Variants in MECOM observed in about 807,000 individuals in gnomAD.
MECOM encodes MDS1 and EVI1 complex locus, also known as histone-lysine N-methyltransferase MECOM.
A neutral mutation model predicts 116.3 loss-of-function variants in MECOM; 13 were observed. The observed-to-expected ratio is 0.11, with a 90% CI of 0.07 to 0.18. The LOEUF is 0.18. MECOM is among the 10% of genes least tolerant of loss of function. The probability of loss-of-function intolerance (pLI) is 1.00; values close to 1 mark genes in which losing one functional copy is unlikely to be tolerated. For synonymous variants in MECOM, 528 were observed against 535.2 expected (o/e 0.99, Z 0.19); for missense variants, 1,299 against 1,509.0 (o/e 0.86, Z 2.31).
At chr3:169,655,147 G>C (rs1243115673) in intron 1 of MECOM, among the ~76,000 whole-genome samples, 3 of 152,126 alleles carry the variant, frequency 2.0e-5, no homozygotes, top group Non-Finnish European at 2.9e-5. Flanking sequence ...AATGGTAACA[G>C]TGAGCAGGAG....
intron 2 of MECOM, among the ~76,000 whole-genome samples, chr3:169,295,725 T>G (rs966081322): frequency 6.6e-6 from 1 of 152,202 alleles, no homozygotes; most frequent in African/African-American, 2.4e-5. Flanking sequence ...ACATAAATAC[T>G]CAGTTTCTGG....
chr3:169,309,697 TG>T (rs769479460), intron 2 of MECOM, among the ~76,000 whole-genome samples: 4 of 152,192 alleles, frequency 2.6e-5, no homozygotes, highest in Non-Finnish European at 5.9e-5. Context: ...TATCACAGTT[TG>T]GGGTAATTCT....
intron 2 of MECOM, among the ~76,000 whole-genome samples, chr3:169,170,384 C>T (rs1166897381): frequency 3.2e-5 from 4 of 126,160 alleles, no homozygotes; most frequent in Non-Finnish European, 4.7e-5. Flanking sequence ...TCCAGCCCAG[C>T]GACAGAGCAA....
chr3:169,480,593 T>G (rs1031849508), intron 1 of MECOM, among the ~76,000 whole-genome samples: 3 of 152,190 alleles, frequency 2.0e-5, no homozygotes, highest in African/African-American at 7.2e-5. Context: ...CATTTTTCCT[T>G]CCACTAGTCA....
intron 1 of MECOM, among the ~76,000 whole-genome samples, chr3:169,471,114 C>G (rs565471095): frequency 1.3e-5 from 2 of 152,148 alleles, no homozygotes; most frequent in South Asian, 4.2e-4. Flanking sequence ...ACCTCAGCCT[C>G]CAGGGTAGCT....
At chr3:169,572,064 T>C (rs1763971812) in intron 1 of MECOM, among the ~76,000 whole-genome samples, 1 of 152,188 alleles carries the variant, frequency 6.6e-6, no homozygotes, top group Admixed American at 6.5e-5. Flanking sequence ...ACCTACAGAA[T>C]GTGAGAACAT....
intron 1 of MECOM, among the ~76,000 whole-genome samples, chr3:169,627,291 G>A (rs1771504405): frequency 6.6e-6 from 1 of 152,218 alleles, no homozygotes. Flanking sequence ...GAGCCTCAGA[G>A]AAATGAGGCA....
At chr3:169,374,346 G>A (rs1292069750) in intron 2 of MECOM, among the ~76,000 whole-genome samples, 1 of 151,858 alleles carries the variant, frequency 6.6e-6, no homozygotes, top group Admixed American at 6.6e-5. Flanking sequence ...AAGCCACCCA[G>A]TTTATGGTAT....
intron 2 of MECOM, among the ~76,000 whole-genome samples, chr3:169,273,711 G>A (rs943087282): frequency 2.0e-5 from 3 of 152,028 alleles, no homozygotes; most frequent in Admixed American, 6.6e-5. Flanking sequence ...CCACTTCTGG[G>A]TAGAATCGTT....
At chr3:169,140,993 A>G (rs1264848351) in intron 3 of MECOM, among the ~76,000 whole-genome samples, 1 of 152,030 alleles carries the variant, frequency 6.6e-6, no homozygotes, top group African/African-American at 2.4e-5. Context: ...AAGCACATTT[A>G]TTTTCTTTAA....
chr3:169,273,548 A>T (rs1759207021), intron 2 of MECOM, among the ~76,000 whole-genome samples: 1 of 152,304 alleles, frequency 6.6e-6, no homozygotes, highest in East Asian at 1.9e-4. Flanking sequence ...TTTTCTGCGC[A>T]TCCTGGTTGG....
chr3:169,485,954 TACATATATACTATATATAC>T (rs1752206902), intron 1 of MECOM, among the ~76,000 whole-genome samples: 4 of 97,474 alleles, frequency 4.1e-5, no homozygotes, highest in African/African-American at 1.8e-4. Flanking sequence ...TGTATATATG[TACATATATACTATATATAC>T]ATATATATAT....
intron 1 of MECOM, among the ~76,000 whole-genome samples, chr3:169,511,395 T>C (rs1291761323): frequency 6.6e-6 from 1 of 152,150 alleles, no homozygotes; most frequent in East Asian, 1.9e-4. Context: ...GGTGGAAAGT[T>C]CAGGCTAAAA....
chr3:169,545,066 A>T (rs1760557500), intron 1 of MECOM, among the ~76,000 whole-genome samples: 1 of 152,244 alleles, frequency 6.6e-6, no homozygotes, highest in Admixed American at 6.5e-5. Flanking sequence ...ATTAAAAAAA[A>T]GAAAATGGTA....
At chr3:169,569,235 A>G (rs1487627550) in intron 1 of MECOM, among the ~76,000 whole-genome samples, 3 of 152,324 alleles carry the variant, frequency 2.0e-5, no homozygotes, top group African/African-American at 7.2e-5. Context: ...CAAAGATCAA[A>G]GAAGACAAAG....
intron 1 of MECOM, among the ~76,000 whole-genome samples, chr3:169,435,841 T>C (rs573706334): frequency 1.3e-5 from 2 of 152,114 alleles, no homozygotes; most frequent in East Asian, 1.9e-4. Flanking sequence ...AAGCAGACAA[T>C]AGCAGTAAAG....
intron 2 of MECOM, among the ~76,000 whole-genome samples, chr3:169,189,093 A>G (rs1356233170): frequency 6.6e-6 from 1 of 152,104 alleles, no homozygotes. Flanking sequence ...TGATCCTAGA[A>G]CAACATATAT....
rs754931786 is a variant in MECOM at position 169,102,040 on chromosome 3, A to G, written c.2771+20T>C. On this transcript the variant is annotated intron_variant, in intron 11 of 16. Coordinates refer to ENST00000651503, the MANE Select transcript of MECOM (RefSeq NM_004991.4). ...AGGGGAGATTTCTGGAAAGTCAGCC[A>G]TAATTAACTGTGCAGTTACCTGCAG... The G allele has an allele frequency of 2.8e-5, 45 of 1,590,654 alleles. No individual in the cohort carries two copies. Among genetic ancestry groups the G allele is most frequent in the Middle Eastern group, 2.2e-4 (1 of 4,560 alleles).
chr3:169,658,036 T>C (rs1173500876), intron 1 of MECOM, among the ~76,000 whole-genome samples: 1 of 152,190 alleles, frequency 6.6e-6, no homozygotes, highest in East Asian at 1.9e-4. Flanking sequence ...TTGTTCTCAC[T>C]ATACAGCCAA....
Sources: allele counts gnomAD v4.1 joint callset (sites outside exome capture counted in the v4.1 genomes callset), GRCh38; gene constraint gnomAD v4.1.1; transcripts MANE v1.5; gene names NCBI Gene and HGNC (gene_info 2026-07-23, HGNC 2026-07-21).